The following ITIH2 variants were observed in gnomAD, a reference collection of about 807,000 sequenced individuals.
ITIH2 encodes the protein inter-alpha-trypsin inhibitor heavy chain H2.
In ITIH2, 103 loss-of-function variants were observed where a neutral mutation model predicts 104.4. That is an observed-to-expected ratio of 0.99 (90% CI 0.84 to 1.16). The LOEUF is 1.16. Among genes scored for constraint, ITIH2 ranks in the 50% most tolerant of loss-of-function variants. The probability of loss-of-function intolerance (pLI) is 0.00; values close to 1 mark genes in which losing one functional copy is unlikely to be tolerated. For synonymous variants in ITIH2, 436 were observed against 435.4 expected, an observed-to-expected ratio of 1.00 and a Z score of -0.02; for missense variants, 1,108 against 1,162.4, an observed-to-expected ratio of 0.95 and a Z score of 0.68.
In ITIH2 at chr10:7,723,441, T is replaced by C. The variant is rs371484213; in HGVS notation, c.868-10T>C. The C allele has an allele frequency of 2.7e-5, 42 of 1,534,164 alleles. No individual in the cohort carries two copies. The highest frequency in any genetic ancestry group is 3.5e-5 in the Non-Finnish European group (39 of 1,107,398). Reference sequence around the variant, plus strand: ...CATGATTTGACTCACAAATACCTTCTATTTTTCAGGTGTTTAATGGATATT... The same window carrying C: ...CATGATTTGACTCACAAATACCTTCCATTTTTCAGGTGTTTAATGGATATT... On this transcript the variant is annotated splice_polypyrimidine_tract_variant and intron_variant, in intron 8 of 20. Coordinates refer to ENST00000358415, the MANE Select transcript of ITIH2 (RefSeq NM_002216.3).
In ITIH2 at chr10:7,735,080, C is replaced by T. The variant is rs779989746; in HGVS notation, c.1946C>T (p.Ser649Phe). The stretch of plus-strand genomic sequence containing the variant: ...GCGGATGCCCCACCGCAGGATCCCT[C>T]CTGCTGCTCAGGTCAGGGCTGCACC... Reference protein sequence around the residue: ...MLADAPPQDPSCCSGALYYGS... With the variant: ...MLADAPPQDPFCCSGALYYGS... Residue 649 changes from serine to phenylalanine, a missense_variant, in exon 15 of 21, where the codon TCC (serine) becomes TTC (phenylalanine). Coordinates refer to ENST00000358415, the MANE Select transcript of ITIH2 (RefSeq NM_002216.3). The T allele has an allele frequency of 1.2e-6, 2 of 1,608,430 alleles. No homozygotes were observed. The highest frequency in any genetic ancestry group is 2.2e-5 in the East Asian group (1 of 44,854).
Position 7,721,702 on chromosome 10 carries a change from C to A in ITIH2, c.792C>A (p.Cys264Ter). ...CACAGCAGAGAATATGCCCTAACTGCCGGGAGACTGCGGTAGATGGGGAAC... is the reference window on the plus strand; with the variant it reads ...CACAGCAGAGAATATGCCCTAACTGACGGGAGACTGCGGTAGATGGGGAAC... ...TVAQQRICPN[C>*]RETAVDGELV... The change falls in exon 8 of 21, where the codon TGC becomes TGA. Residue 264 changes from cysteine (C) to a stop codon, truncating the protein, a stop_gained. Transcript: ENST00000358415. LOFTEE classifies it high-confidence loss of function. 6.2e-7 allele frequency: 1 copy of A among 1,613,798 alleles called. No homozygotes were observed. The highest frequency in any genetic ancestry group is 8.5e-7 in the Non-Finnish European group (1 of 1,179,786).
intron 16 of ITIH2, among the ~76,000 whole-genome samples, chr10:7,740,391 C>T (rs1835113092): frequency 6.6e-6 from 1 of 152,122 alleles, no homozygotes; most frequent in African/African-American, 2.4e-5. Context: ...CAGTTAACAG[C>T]GGCAAACGTC....
intron 19 of ITIH2, among the ~76,000 whole-genome samples, chr10:7,745,595 A>C (rs941491562): frequency 6.6e-6 from 1 of 151,788 alleles, no homozygotes; most frequent in African/African-American, 2.4e-5. Context: ...AGAAAATAAA[A>C]ATAATTAGCA....
At chr10:7,711,046 C>A (rs577563506) in intron 4 of ITIH2, among the ~76,000 whole-genome samples, 2 of 152,048 alleles carry the variant, frequency 1.3e-5, no homozygotes, top group South Asian at 4.2e-4. Flanking sequence ...AGGTTTTAAG[C>A]CCCACATGCG....
intron 20 of ITIH2, among the ~76,000 whole-genome samples, chr10:7,747,265 A>G (rs1453899457): frequency 6.6e-6 from 1 of 152,198 alleles, no homozygotes; most frequent in Non-Finnish European, 1.5e-5. Flanking sequence ...CAAATTTGAT[A>G]CCGTTTTAAA....
At chr10:7,708,913 G>A (rs1437619481) in intron 3 of ITIH2, 109 bp from the exon 4 acceptor site, 2 of 917,152 alleles carry the variant, frequency 2.2e-6, no homozygotes, top group African/African-American at 3.3e-5. Context: ...GAATTGTTCT[G>A]CTAGTAAAAC....
At chr10:7,722,056 T>C (rs1300749164) in intron 8 of ITIH2, among the ~76,000 whole-genome samples, 1 of 152,128 alleles carries the variant, frequency 6.6e-6, no homozygotes, top group Non-Finnish European at 1.5e-5. Flanking sequence ...GAATTTTAAA[T>C]AGGCTCCCAA....
At position 7,721,644 on chromosome 10, in the gene ITIH2, T is replaced by C. The variant is rs1430798886; in HGVS notation, c.739-5T>C. 3 of 1,613,088 alleles carry C rather than the reference T, an allele frequency of 1.9e-6. No individual in the cohort carries two copies. Among genetic ancestry groups the C allele is most frequent in the Admixed American group, 3.3e-5 (2 of 59,952 alleles). On this transcript the variant is annotated splice_polypyrimidine_tract_variant and splice_region_variant and intron_variant, in intron 7 of 20. Transcript: ENST00000358415. ...CAGAGGCTCTGATGTCACCGTTCTT[T>C]CTAGGCGCACGTCTCCTTCAAGCCC...
chr10:7,734,817 C>T, intron 14 of ITIH2, 105 bp from the exon 15 acceptor site: 1 of 946,262 alleles, frequency 1.1e-6, no homozygotes, highest in Non-Finnish European at 1.6e-6. Flanking sequence ...CCGCCCCACC[C>T]CCAGGTTGGA....
chr10:7,727,215 C>A, intron 10 of ITIH2, 97 bp downstream of exon 10: 1 of 1,009,560 alleles, frequency 9.9e-7, no homozygotes, highest in South Asian at 1.7e-5. Flanking sequence ...GGTCTTTCCC[C>A]AGCATTCGAG....
At chr10:7,709,324 T>C (rs1446801837) in intron 4 of ITIH2, 133 bp downstream of exon 4, 2 of 741,310 alleles carry the variant, frequency 2.7e-6, no homozygotes, top group East Asian at 2.7e-5. Flanking sequence ...CATTGTGAGG[T>C]TGGTCCCAAT....
chr10:7,735,063 C>T lies in ITIH2; in HGVS notation c.1929C>T (p.Ala643=), dbSNP rs1835041288. The change falls in exon 15 of 21, where the codon GCC becomes GCT. Residue 643 remains alanine, a synonymous_variant. Transcript: ENST00000358415. ...GGGATGAGCGCATGCTGGCGGATGC[C>T]CCACCGCAGGATCCCTCCTGCTGCT... ...EAGDERMLAD[A]PPQDPSCCSG... The T allele has an allele frequency of 6.2e-7, 1 of 1,611,072 alleles. No homozygotes were observed. Among genetic ancestry groups the T allele is most frequent in the Admixed American group, 1.7e-5 (1 of 59,980 alleles).
intron 19 of ITIH2, among the ~76,000 whole-genome samples, chr10:7,745,663 T>A (rs2130967578): frequency 6.6e-6 from 1 of 152,036 alleles, no homozygotes; most frequent in East Asian, 2.0e-4. Context: ...GTGGGATCTC[T>A]TGAGCCCCGG....
Position 7,713,062 on chromosome 10 carries a change from C to G in ITIH2, c.363-119C>G, listed in dbSNP as rs1834812308. ...TTGAACCCAGGAGGTGGAGGTTGCA[C>G]TGAACTGAGATTGCACCATTGCACT... On this transcript the variant is annotated intron_variant, in intron 4 of 20. Transcript: ENST00000358415. 11 of 705,770 alleles carry G rather than the reference C, an allele frequency of 1.6e-5. No homozygotes were observed. In the South Asian group the frequency reaches 2.1e-4, roughly 14 times the overall value. 43.7% of individuals were successfully genotyped at this position (705,770 alleles called of 1,614,324 possible).
intron 3 of ITIH2, among the ~76,000 whole-genome samples, chr10:7,708,234 C>T (rs1246506554): frequency 6.6e-6 from 1 of 152,216 alleles, no homozygotes; most frequent in Non-Finnish European, 1.5e-5. Flanking sequence ...TCTAATGGGT[C>T]TCATAGTTGT....
intron 15 of ITIH2, among the ~76,000 whole-genome samples, chr10:7,736,577 C>T (rs1369603636): frequency 5.3e-5 from 8 of 151,964 alleles, no homozygotes; most frequent in Non-Finnish European, 1.2e-4. Flanking sequence ...TCTGAGTATT[C>T]AAAATTCCCT....
chr10:7,722,026 A>G (rs927608715), intron 8 of ITIH2, among the ~76,000 whole-genome samples: 3 of 152,122 alleles, frequency 2.0e-5, no homozygotes, highest in African/African-American at 7.2e-5. Flanking sequence ...GTGAAGAACA[A>G]AGGAATAATT....
At chr10:7,704,870 A>G (rs1047736679) in intron 1 of ITIH2, among the ~76,000 whole-genome samples, 1 of 151,540 alleles carries the variant, frequency 6.6e-6, no homozygotes, top group Non-Finnish European at 1.5e-5. Flanking sequence ...GAGTCGAACA[A>G]CGAGAACACA....
Sources: gnomAD v4.1 joint callset for allele counts (sites outside exome capture counted in the v4.1 genomes callset) on GRCh38, gnomAD v4.1.1 for gene constraint, MANE v1.5 for transcripts, NCBI Gene and HGNC (gene_info 2026-07-23, HGNC 2026-07-21) for gene names.